Variants in VAV3 observed in about 807,000 individuals in gnomAD.
VAV3 encodes vav guanine nucleotide exchange factor 3.
VAV3 carries 94 observed loss-of-function variants against 131.2 expected under a neutral mutation model. That is an observed-to-expected ratio of 0.72 (90% CI 0.61 to 0.85). The LOEUF is 0.85. Among genes scored for constraint, VAV3 ranks in the 40% least tolerant of loss-of-function variants. The pLI, the probability that VAV3 is intolerant of heterozygous loss-of-function variation, is 0.00. For synonymous variants in VAV3, 349 were observed against 342.0 expected (o/e 1.02, Z -0.22); for missense variants, 939 against 1,002.7 (o/e 0.94, Z 0.86).
At chr1:107,679,579 G>A (rs1658458680) in intron 19 of VAV3, among the ~76,000 whole-genome samples, 1 of 152,148 alleles carries the variant, frequency 6.6e-6, no homozygotes, top group African/African-American at 2.4e-5. Context: ...TGGACCCAGT[G>A]AAAAGAATAC....
chr1:107,644,809 A>T (rs1383400020), intron 19 of VAV3, among the ~76,000 whole-genome samples: 3 of 152,004 alleles, frequency 2.0e-5, no homozygotes, highest in African/African-American at 7.2e-5. Context: ...TTAGGGATGG[A>T]GCAATGCTGC....
rs560185459 is a variant in VAV3, at chr1:107,744,135, C to T, written c.1502+4833G>A. Among the ~76,000 whole-genome samples the T allele has an allele frequency of 6.6e-5, 10 of 152,304 alleles. 1 individual carries two copies. In the South Asian group the frequency reaches 1.9e-3, roughly 28 times the overall value. ...GCTCCGGATGACCAACAGGATAGTG[C>T]ATCCTGGTCCCAGAGTCCCTCCAGA... On this transcript the variant is annotated intron_variant, in intron 15 of 26. Coordinates refer to ENST00000370056, the MANE Select transcript of VAV3 (RefSeq NM_006113.5).
At chr1:107,700,193 T>G (rs1324382094) in intron 17 of VAV3, among the ~76,000 whole-genome samples, 1 of 152,238 alleles carries the variant, frequency 6.6e-6, no homozygotes, top group Non-Finnish European at 1.5e-5. Context: ...AAAGCCAAAG[T>G]GATTGAACAT....
At chr1:107,616,563 T>A (rs566788644) in intron 21 of VAV3, among the ~76,000 whole-genome samples, 1 of 152,244 alleles carries the variant, frequency 6.6e-6, no homozygotes, top group South Asian at 2.1e-4. Context: ...ATAATAAACC[T>A]GCACATGTAC....
intron 2 of VAV3, among the ~76,000 whole-genome samples, chr1:107,865,314 C>T (rs1462488494): frequency 6.6e-6 from 1 of 152,114 alleles, no homozygotes; most frequent in Admixed American, 6.5e-5. Flanking sequence ...AAGCCAGGCC[C>T]AGAAGACTCA....
intron 25 of VAV3, among the ~76,000 whole-genome samples, chr1:107,593,539 C>A (rs1334494935): frequency 6.6e-6 from 1 of 151,978 alleles, no homozygotes; most frequent in African/African-American, 2.4e-5. Context: ...ACCCAGTATC[C>A]CAAGGTAATA....
chr1:107,574,313 G>T, intron 25 of VAV3, 115 bp from the exon 26 acceptor site: 1 of 1,302,626 alleles, frequency 7.7e-7, no homozygotes, highest in Non-Finnish European at 1.0e-6. Flanking sequence ...TTTCATTACA[G>T]ACCAGCGATA....
chr1:107,779,541 A>T (rs747436113), intron 2 of VAV3, 49 bp from the exon 3 acceptor site: 1 of 1,465,100 alleles, frequency 6.8e-7, no homozygotes, highest in South Asian at 1.5e-5. Flanking sequence ...AGAAAATATA[A>T]GATTTCTTTT....
intron 1 of VAV3, among the ~76,000 whole-genome samples, chr1:107,907,001 A>G (rs1341224558): frequency 6.6e-6 from 1 of 152,170 alleles, no homozygotes; most frequent in Non-Finnish European, 1.5e-5. Flanking sequence ...ATGATTGAGG[A>G]TTAAGGACTC....
In VAV3 at chr1:107,681,145, A is replaced by G. The variant is rs897976878; in HGVS notation, c.1777+2343T>C. Among the ~76,000 whole-genome samples the G allele has an allele frequency of 1.1e-4, 17 of 152,120 alleles. 1 individual carries two copies. Among genetic ancestry groups the G allele is most frequent in the Admixed American group, 3.3e-4 (5 of 15,236 alleles). ...GTGAAGTAGTTACACCCGGCCTCCT[A>G]AACTCTTTAATCAGTTGCTTTTATA... is the stretch of plus-strand genomic sequence containing the variant. On this transcript the variant is annotated intron_variant, in intron 19 of 26. Transcript: ENST00000370056.
chr1:107,802,835 G>A (rs1341323557), intron 2 of VAV3, among the ~76,000 whole-genome samples: 1 of 150,716 alleles, frequency 6.6e-6, no homozygotes, highest in African/African-American at 2.4e-5. Context: ...TGGTATTAGG[G>A]TGATGTTAGC....
intron 2 of VAV3, among the ~76,000 whole-genome samples, chr1:107,822,981 G>C (rs1667866180): frequency 6.6e-6 from 1 of 152,138 alleles, no homozygotes; most frequent in African/African-American, 2.4e-5. Flanking sequence ...TTTTGGATGA[G>C]AGAATACTAG....
At chr1:107,872,836 T>C (rs139010867) in intron 2 of VAV3, among the ~76,000 whole-genome samples, 13 of 152,284 alleles carry the variant, frequency 8.5e-5, no homozygotes, top group Non-Finnish European at 1.8e-4. Context: ...CTTAACGTTG[T>C]TACAATTTTA....
chr1:107,879,757 C>T lies in VAV3; in HGVS notation c.205-4740G>A, dbSNP rs1285566640. ...TTTGCTAAATCATCTAACTTATTTACATAAGTTAACTTAACAATTTGTTAG... is the reference window on the plus strand; with the variant it reads ...TTTGCTAAATCATCTAACTTATTTATATAAGTTAACTTAACAATTTGTTAG... On this transcript the variant is annotated intron_variant, in intron 1 of 26. Transcript: ENST00000370056. 3.3e-5 allele frequency among the ~76,000 whole-genome samples: 5 copies of T among 152,016 alleles called. 1 individual carries two copies. In the South Asian group the frequency reaches 6.2e-4, roughly 19 times the overall value.
At chr1:107,706,838 A>G (rs1045351037) in intron 15 of VAV3, among the ~76,000 whole-genome samples, 1 of 152,172 alleles carries the variant, frequency 6.6e-6, no homozygotes, top group Non-Finnish European at 1.5e-5. Flanking sequence ...ACAGAAGTAC[A>G]TCTCCTTCAG....
chr1:107,747,036 C>T (rs1336236977), intron 15 of VAV3, among the ~76,000 whole-genome samples: 4 of 152,062 alleles, frequency 2.6e-5, no homozygotes, highest in Non-Finnish European at 5.9e-5. Flanking sequence ...TGTGCCACCA[C>T]ACCCGGCTAA....
intron 20 of VAV3, among the ~76,000 whole-genome samples, chr1:107,620,468 A>C (rs1653487336): frequency 6.6e-6 from 1 of 152,136 alleles, no homozygotes; most frequent in African/African-American, 2.4e-5. Context: ...TGGCAGCAAG[A>C]GGCTATACAC....
At chr1:107,881,781 C>A (rs1670794576) in intron 1 of VAV3, among the ~76,000 whole-genome samples, 1 of 152,100 alleles carries the variant, frequency 6.6e-6, no homozygotes, top group Non-Finnish European at 1.5e-5. Flanking sequence ...TGTTTCATAA[C>A]CAGGTAGCTA....
At chr1:107,633,517 G>A (rs1654667253) in intron 20 of VAV3, among the ~76,000 whole-genome samples, 1 of 152,086 alleles carries the variant, frequency 6.6e-6, no homozygotes, top group Admixed American at 6.6e-5. Context: ...TTATTCTTAG[G>A]GCTGCTCATG....
Sources: gnomAD v4.1 joint callset for allele counts (sites outside exome capture counted in the v4.1 genomes callset) on GRCh38, gnomAD v4.1.1 for gene constraint, MANE v1.5 for transcripts, NCBI Gene and HGNC (gene_info 2026-07-23, HGNC 2026-07-21) for gene names.